MAF: variants seen among roughly 807,000 people sequenced by gnomAD.
MAF encodes the protein MAF bZIP transcription factor.
Under a neutral mutation model 22.0 loss-of-function variants are expected in MAF, and 10 were observed. The ratio of observed to expected loss-of-function variants is 0.45; its 90% CI spans 0.28 to 0.77. The LOEUF (loss-of-function observed/expected upper bound fraction) is 0.77. Among genes scored for constraint, MAF ranks in the 30% least tolerant of loss-of-function variants. The pLI, the probability that MAF is intolerant of heterozygous loss-of-function variation, is 0.12. For missense variants in MAF, 544 were observed against 548.4 expected (o/e 0.99, Z 0.08); for synonymous variants, 337 against 255.8 (o/e 1.32, Z -3.03).
intron 1 of MAF, among the ~76,000 whole-genome samples, chr16:79,586,421 T>C (rs11645511): frequency 0.13 from 20,134 of 152,214 alleles, 1,542 homozygotes; most frequent in Middle Eastern, 0.19. Flanking sequence ...CCCCACCTCC[T>C]CTGTTGCTTT....
At chr16:79,384,438 T>C in the MAF span, among the ~76,000 whole-genome samples, 1 of 102,826 alleles carries the variant, frequency 9.7e-6, no homozygotes, top group South Asian at 3.1e-4. Flanking sequence ...AGAGCAAAAC[T>C]CTGTCTCAAA....
At chr16:79,517,675 A>C in the MAF span, among the ~76,000 whole-genome samples, 3 of 146,200 alleles carry the variant, frequency 2.1e-5, no homozygotes, top group African/African-American at 7.7e-5. Flanking sequence ...CCTGGGTTCC[A>C]GTGATTCTCC....
chr16:79,337,987 C>T, the MAF span, among the ~76,000 whole-genome samples: 1 of 152,168 alleles, frequency 6.6e-6, no homozygotes. Context: ...TGGGCACCAG[C>T]TTTGTGTCAG....
At chr16:79,496,730 T>C in the MAF span, among the ~76,000 whole-genome samples, 17 of 152,258 alleles carry the variant, frequency 1.1e-4, no homozygotes, top group East Asian at 5.8e-4. Flanking sequence ...TAATAAACAA[T>C]GGGGCTATGA....
the MAF span, among the ~76,000 whole-genome samples, chr16:79,327,930 A>C: frequency 6.6e-6 from 1 of 152,220 alleles, no homozygotes; most frequent in Non-Finnish European, 1.5e-5. Flanking sequence ...CTAGGTGCCA[A>C]CCAGACTTAC....
chr16:79,266,533 G>A, the MAF span, among the ~76,000 whole-genome samples: 1 of 152,264 alleles, frequency 6.6e-6, no homozygotes, highest in East Asian at 1.9e-4. Context: ...GGTGGTGTAT[G>A]GAACACTTGG....
the MAF span, among the ~76,000 whole-genome samples, chr16:79,514,424 A>G: frequency 6.6e-6 from 1 of 152,248 alleles, no homozygotes; most frequent in Non-Finnish European, 1.5e-5. Context: ...GGAAATATTC[A>G]CAGAATGGGT....
chr16:79,599,578 T>A lies in MAF; in HGVS notation c.325A>T (p.Ser109Cys), dbSNP rs761758894. The stretch of plus-strand genomic sequence containing the variant: ...AGCGCCTCGACCGCGTCCTCGGGGC[T>A]GAAGCCCAGCGCCTCGGGGTTCAGC... ...QQLNPEALGFSPEDAVEALIS... is the reference protein window; with the variant it reads ...QQLNPEALGFCPEDAVEALIS... The change falls in exon 1 of 2, where the codon AGC becomes TGC. Residue 109 changes from serine to cysteine, a missense_variant. Physicochemically the swap from Ser to Cys is moderately radical, Grantham distance 112. Around this residue, in one of 5 missense-constraint regions of MAF, gnomAD observed 342 missense variants for 315.5 expected, o/e 1.08. Coordinates refer to ENST00000326043, the MANE Select transcript of MAF (RefSeq NM_005360.5). 6.2e-7 allele frequency: 1 copy of A among 1,603,836 alleles called. No individual in the cohort carries two copies. The highest frequency in any genetic ancestry group is 8.5e-7 in the Non-Finnish European group (1 of 1,176,050).
At chr16:79,336,869 AT>A in the MAF span, among the ~76,000 whole-genome samples, 8 of 152,130 alleles carry the variant, frequency 5.3e-5, no homozygotes, top group Non-Finnish European at 8.8e-5. Context: ...CCTGGTTTGG[AT>A]TTATTTACAT....
At chr16:79,289,854 A>ATTTTTTTTT in the MAF span, among the ~76,000 whole-genome samples, 1 of 55,636 alleles carries the variant, frequency 1.8e-5, no homozygotes, top group African/African-American at 6.2e-5. Context: ...TTGTTTGTGT[A>ATTTTTTTTT]TTTTTTTTTT....
At chr16:79,329,781 A>G in the MAF span, among the ~76,000 whole-genome samples, 2 of 152,198 alleles carry the variant, frequency 1.3e-5, no homozygotes, top group Non-Finnish European at 1.5e-5. Flanking sequence ...AATTAAAACC[A>G]GTATGCCTTC....
chr16:79,429,218 G>C, the MAF span, among the ~76,000 whole-genome samples: 1 of 152,150 alleles, frequency 6.6e-6, no homozygotes, highest in African/African-American at 2.4e-5. Flanking sequence ...ACGCTAGACT[G>C]GCCTATCTCT....
the MAF span, among the ~76,000 whole-genome samples, chr16:79,208,645 C>A: frequency 7.2e-6 from 1 of 138,364 alleles, no homozygotes; most frequent in Non-Finnish European, 1.6e-5. Flanking sequence ...TTTTTTTAAT[C>A]AGTTTAAGAA....
the MAF span, among the ~76,000 whole-genome samples, chr16:79,232,655 A>C: frequency 2.0e-5 from 3 of 151,962 alleles, no homozygotes; most frequent in Non-Finnish European, 4.4e-5. Flanking sequence ...TTAAATCAAA[A>C]TAAAAATAGT....
At chr16:79,273,076 T>G in the MAF span, among the ~76,000 whole-genome samples, 2 of 152,172 alleles carry the variant, frequency 1.3e-5, no homozygotes, top group African/African-American at 4.8e-5. Flanking sequence ...TTCACCAAAG[T>G]TGGAATTCTT....
the MAF span, among the ~76,000 whole-genome samples, chr16:79,261,281 T>C: frequency 2.6e-5 from 4 of 152,102 alleles, no homozygotes; most frequent in Non-Finnish European, 5.9e-5. Context: ...GCCTCCTGAG[T>C]AGCTGGGATT....
At chr16:79,239,734 A>T in the MAF span, among the ~76,000 whole-genome samples, 1 of 151,976 alleles carries the variant, frequency 6.6e-6, no homozygotes, top group African/African-American at 2.4e-5. Flanking sequence ...TGTTTTGTTT[A>T]TTGCTGAAAT....
chr16:79,454,144 T>G, the MAF span, among the ~76,000 whole-genome samples: 1 of 152,200 alleles, frequency 6.6e-6, no homozygotes, highest in Non-Finnish European at 1.5e-5. Flanking sequence ...GATGAATACA[T>G]TAAGATTCTA....
chr16:79,440,508 T>C, the MAF span, among the ~76,000 whole-genome samples: 2 of 152,212 alleles, frequency 1.3e-5, no homozygotes, highest in African/African-American at 4.8e-5. Flanking sequence ...CAATCTTGGC[T>C]CATTACAACC....
Sources: allele counts gnomAD v4.1 joint callset (sites outside exome capture counted in the v4.1 genomes callset), GRCh38; gene constraint gnomAD v4.1.1; regional missense constraint gnomAD v4.1.1; transcripts MANE v1.5; gene names NCBI Gene and HGNC (gene_info 2026-07-23, HGNC 2026-07-21).